Variants in SLC4A4 observed in about 807,000 individuals in gnomAD.
The protein encoded by SLC4A4 is solute carrier family 4 member 4, also known as electrogenic sodium bicarbonate cotransporter 1.
Under a neutral mutation model 111.5 loss-of-function variants are expected in SLC4A4, and 27 were observed. The ratio of observed to expected loss-of-function variants is 0.24; its 90% CI spans 0.18 to 0.33. The LOEUF (loss-of-function observed/expected upper bound fraction) is 0.33. SLC4A4 is among the 10% of genes least tolerant of loss of function. The pLI is 1.00. For synonymous variants in SLC4A4, 443 were observed against 463.4 expected (o/e 0.96, Z 0.57); for missense variants, 909 against 1,315.5 (o/e 0.69, Z 4.78).
At chr4:71,234,537 T>G (rs1247682235) in intron 1 of SLC4A4, among the ~76,000 whole-genome samples, 1 of 152,210 alleles carries the variant, frequency 6.6e-6, no homozygotes, top group Non-Finnish European at 1.5e-5. Flanking sequence ...GTTATCCTCC[T>G]GCCTCAGCCT....
intron 6 of SLC4A4, among the ~76,000 whole-genome samples, chr4:71,365,984 C>T (rs868519668): frequency 1.3e-5 from 2 of 152,126 alleles, no homozygotes; most frequent in Non-Finnish European, 2.9e-5. Context: ...GTCCAGGTCT[C>T]ATATGTAATA....
At chr4:71,330,888 GA>G (rs893357144) in intron 3 of SLC4A4, among the ~76,000 whole-genome samples, 5 of 151,628 alleles carry the variant, frequency 3.3e-5, no homozygotes, top group Non-Finnish European at 7.4e-5. Context: ...AAATTTACAA[GA>G]AAAAAACAAC....
chr4:71,331,227 C>T (rs1225774363), intron 3 of SLC4A4, among the ~76,000 whole-genome samples: 9 of 152,282 alleles, frequency 5.9e-5, no homozygotes, highest in African/African-American at 1.7e-4. Flanking sequence ...CATCCCATTA[C>T]TGGGTATATA....
intron 14 of SLC4A4, among the ~76,000 whole-genome samples, chr4:71,475,953 G>A (rs113770082): frequency 0.02 from 3,108 of 151,808 alleles, 116 homozygotes; most frequent in African/African-American, 0.071. Flanking sequence ...CTTCCTTCTA[G>A]GCATACATTG....
intron 6 of SLC4A4, among the ~76,000 whole-genome samples, chr4:71,362,252 T>C (rs968410714): frequency 2.0e-5 from 3 of 152,214 alleles, no homozygotes; most frequent in African/African-American, 7.2e-5. Context: ...AGTAATCTAA[T>C]TGGATCTAGA....
intron 3 of SLC4A4, among the ~76,000 whole-genome samples, chr4:71,295,269 T>C (rs16846232): frequency 0.011 from 1,701 of 152,278 alleles, 43 homozygotes; most frequent in African/African-American, 0.039. Context: ...ACTGTTGCTG[T>C]ATCTCTCTAT....
chr4:71,190,023 A>G (rs748697090), intron 1 of SLC4A4, among the ~76,000 whole-genome samples: 2 of 152,216 alleles, frequency 1.3e-5, no homozygotes, highest in Non-Finnish European at 2.9e-5. Context: ...GTTTCCAAGG[A>G]CAACCTGTGA....
chr4:71,523,114 T>C (rs1043157034), intron 16 of SLC4A4, among the ~76,000 whole-genome samples: 1 of 152,140 alleles, frequency 6.6e-6, no homozygotes, highest in Non-Finnish European at 1.5e-5. Context: ...TGGTGAATGG[T>C]AAAAATTGTC....
chr4:71,342,849 G>A (rs985792675), intron 4 of SLC4A4, among the ~76,000 whole-genome samples: 8 of 152,150 alleles, frequency 5.3e-5, no homozygotes, highest in African/African-American at 1.4e-4. Context: ...CCTTAGAGAC[G>A]TTATTTCCTT....
At chr4:71,124,471 C>G (rs2013659) in intron 2 of SLC4A4, among the ~76,000 whole-genome samples, 115,364 of 152,130 alleles carry the variant, frequency 0.76, 45,890 homozygotes, top group Admixed American at 0.88. Flanking sequence ...TGCCCAGCCA[C>G]GCCCACACTT....
At chr4:71,376,937 C>T (rs1017181770) in intron 6 of SLC4A4, among the ~76,000 whole-genome samples, 1 of 152,036 alleles carries the variant, frequency 6.6e-6, no homozygotes, top group Non-Finnish European at 1.5e-5. Context: ...CACCTGGCCT[C>T]ATTTGGTTGT....
chr4:71,411,923 G>C (rs777804604), intron 7 of SLC4A4, among the ~76,000 whole-genome samples: 2 of 152,198 alleles, frequency 1.3e-5, no homozygotes. Context: ...AACTGTACTC[G>C]AAGTGTGTCA....
chr4:71,149,031 C>T (rs1419787671), intron 2 of SLC4A4, among the ~76,000 whole-genome samples: 1 of 152,124 alleles, frequency 6.6e-6, no homozygotes, highest in Non-Finnish European at 1.5e-5. Context: ...ATTCCTTTTT[C>T]TCTGCAACCT....
At chr4:71,422,989 G>T (rs1722708263) in intron 7 of SLC4A4, among the ~76,000 whole-genome samples, 2 of 152,166 alleles carry the variant, frequency 1.3e-5, no homozygotes, top group Non-Finnish European at 2.9e-5. Context: ...TCTGGCCAGG[G>T]CAATTAGGCA....
chr4:71,158,139 G>GTC (rs1476406998), intron 2 of SLC4A4, among the ~76,000 whole-genome samples: 34 of 130,064 alleles, frequency 2.6e-4, no homozygotes, highest in African/African-American at 8.4e-4. Context: ...GTGTGTGTGT[G>GTC]TGTCTCTCTC....
intron 3 of SLC4A4, among the ~76,000 whole-genome samples, chr4:71,309,010 T>G (rs1052036307): frequency 4.6e-5 from 7 of 152,218 alleles, no homozygotes; most frequent in African/African-American, 1.7e-4. Context: ...CACAGCAGTC[T>G]GAAGTCGACC....
intron 2 of SLC4A4, among the ~76,000 whole-genome samples, chr4:71,241,120 A>G (rs1429273434): frequency 6.6e-6 from 1 of 152,186 alleles, no homozygotes; most frequent in Non-Finnish European, 1.5e-5. Flanking sequence ...CCCTGCCTCA[A>G]AAAAAGAAAA....
upstream of SLC4A4, among the ~76,000 whole-genome samples, chr4:71,186,113 G>T (rs1300005895): frequency 6.6e-6 from 1 of 152,114 alleles, no homozygotes; most frequent in African/African-American, 2.4e-5. Flanking sequence ...AATGGCAATG[G>T]TGCTGGATCA....
intron 16 of SLC4A4, among the ~76,000 whole-genome samples, chr4:71,506,133 T>C (rs563687160): frequency 6.6e-6 from 1 of 152,308 alleles, no homozygotes; most frequent in Admixed American, 6.5e-5. Flanking sequence ...CCTCCAGCAT[T>C]GTTCTTTTTG....
Sources: gnomAD v4.1 joint callset for allele counts (sites outside exome capture counted in the v4.1 genomes callset) on GRCh38, gnomAD v4.1.1 for gene constraint, MANE v1.5 for transcripts, NCBI Gene and HGNC (gene_info 2026-07-23, HGNC 2026-07-21) for gene names.